The following DGCR2 variants were observed in gnomAD, a reference collection of about 807,000 sequenced individuals.
DGCR2 encodes the protein integral membrane protein DGCR2/IDD.
A neutral mutation model predicts 51.6 loss-of-function variants in DGCR2; 24 were observed. The observed-to-expected ratio is 0.47, with a 90% CI of 0.34 to 0.65. The LOEUF is 0.65. DGCR2 is among the 30% of genes least tolerant of loss of function. The pLI is 0.01. For synonymous variants in DGCR2, 340 were observed against 315.4 expected, an observed-to-expected ratio of 1.08 and a Z score of -0.82; for missense variants, 765 against 772.1, an observed-to-expected ratio of 0.99 and a Z score of 0.11.
intron 2 of DGCR2, among the ~76,000 whole-genome samples, chr22:19,070,833 G>A (rs571991675): frequency 6.6e-6 from 1 of 152,320 alleles, no homozygotes; most frequent in Non-Finnish European, 1.5e-5. Context: ...CCCATTCTGG[G>A]CCCACCATGG....
chr22:19,107,372 G>A (rs2083270449), intron 1 of DGCR2, among the ~76,000 whole-genome samples: 1 of 152,092 alleles, frequency 6.6e-6, no homozygotes, highest in Non-Finnish European at 1.5e-5. Context: ...CTGACACTGG[G>A]GAACACCACA....
At chr22:19,104,374 C>T (rs1295169537) in intron 1 of DGCR2, among the ~76,000 whole-genome samples, 1 of 102,366 alleles carries the variant, frequency 9.8e-6, no homozygotes, top group Non-Finnish European at 1.9e-5. Flanking sequence ...AAGCCTTAGC[C>T]TTGTTTCAAG....
At chr22:19,107,423 C>A (rs2083270889) in intron 1 of DGCR2, among the ~76,000 whole-genome samples, 1 of 152,216 alleles carries the variant, frequency 6.6e-6, no homozygotes, top group Non-Finnish European at 1.5e-5. Context: ...GCATTTATTT[C>A]TCATAAATAA....
Position 19,038,142 on chromosome 22 carries a change from T to C in DGCR2, c.*723A>G, listed in dbSNP as rs2082390785. On this transcript the variant is annotated 3_prime_UTR_variant, in exon 10 of 10. Coordinates refer to ENST00000263196, the MANE Select transcript of DGCR2 (RefSeq NM_005137.3). ...ACAGCAATGCTGGGAGAGGGACTGA[T>C]GGGGTGGGGTCAGGCCTCCTGCCAC... 6.6e-6 allele frequency: 1 copy of C among 152,196 alleles called. No homozygotes were observed. The highest frequency in any genetic ancestry group is 1.5e-5 in the Non-Finnish European group (1 of 68,138). The allele number at this position is 152,196 out of a possible 1,614,324, so 9.4% of individuals were successfully genotyped here. A position where few individuals can be genotyped will look rare whatever the true frequency, so the allele number is the denominator to read the frequency against.
chr22:19,047,408 T>TA (rs1479662336), intron 7 of DGCR2: 1 of 152,158 alleles, frequency 6.6e-6, no homozygotes, highest in East Asian at 1.9e-4. Flanking sequence ...ACAGGGCCCC[T>TA]AGAGACAGAG....
intron 1 of DGCR2, among the ~76,000 whole-genome samples, chr22:19,104,272 C>T (rs942769516): frequency 6.6e-5 from 10 of 152,164 alleles, no homozygotes; most frequent in East Asian, 1.9e-4. Flanking sequence ...GGCTATGCAA[C>T]GCCCAGGAAT....
intron 3 of DGCR2, among the ~76,000 whole-genome samples, chr22:19,065,492 G>T (rs1343145529): frequency 6.6e-6 from 1 of 152,134 alleles, no homozygotes; most frequent in Non-Finnish European, 1.5e-5. Context: ...ACTTACATGA[G>T]CATTTGCAGT....
At chr22:19,062,779 A>ATGCATGCTCTCTCTCTCTC in intron 5 of DGCR2, among the ~76,000 whole-genome samples, 4 of 127,354 alleles carry the variant, frequency 3.1e-5, no homozygotes. Flanking sequence ...ATGCATGCTC[A>ATGCATGCTCTCTCTCTCTC]CTCTCTCTCT....
At chr22:19,047,053 G>C (rs1234345795) in intron 7 of DGCR2, 1 of 155,076 alleles carries the variant, frequency 6.4e-6, no homozygotes, top group Non-Finnish European at 1.4e-5. Flanking sequence ...CCGGGCACAG[G>C]GAACTTGATA....
chr22:19,110,473 G>A (rs766558032), intron 1 of DGCR2, among the ~76,000 whole-genome samples: 3 of 152,134 alleles, frequency 2.0e-5, no homozygotes, highest in African/African-American at 7.2e-5. Context: ...CATTGAAAAG[G>A]CGGGAGGAGA....
intron 1 of DGCR2, among the ~76,000 whole-genome samples, chr22:19,104,619 AG>A (rs2083242474): frequency 6.6e-6 from 1 of 152,180 alleles, no homozygotes; most frequent in African/African-American, 2.4e-5. Context: ...CCACTAAGAT[AG>A]GTCTCCACCA....
intron 1 of DGCR2, among the ~76,000 whole-genome samples, chr22:19,109,450 C>A (rs2083292301): frequency 6.6e-6 from 1 of 152,230 alleles, no homozygotes; most frequent in Non-Finnish European, 1.5e-5. Context: ...TGGAATACAA[C>A]TCAGCCTTAA....
At chr22:19,067,301 G>A (rs1470808247) in intron 3 of DGCR2, among the ~76,000 whole-genome samples, 1 of 152,198 alleles carries the variant, frequency 6.6e-6, no homozygotes, top group South Asian at 2.1e-4. Context: ...CATTTCAGTG[G>A]TGGCTTTTCC....
At position 19,074,809 on chromosome 22, in the gene DGCR2, C is replaced by CA. The variant is rs1555906475; in HGVS notation, c.203-6585_203-6584insT. Among the ~76,000 whole-genome samples the CA allele has an allele frequency of 2.0e-5, 3 of 152,098 alleles. No individual in the cohort carries two copies. In the East Asian group the frequency reaches 5.8e-4, roughly 29 times the overall value. On this transcript the variant is annotated intron_variant, in intron 2 of 9. Transcript: ENST00000263196. Reference sequence around the variant, plus strand: ...ACAGATCTGGGATGCCCCGCCCCACCTTTTTTTTACATCGGAGCTGCCGCT... The same window carrying CA: ...ACAGATCTGGGATGCCCCGCCCCACCATTTTTTTTACATCGGAGCTGCCGCT...
At chr22:19,121,019 A>G (rs1478381614) in intron 1 of DGCR2, among the ~76,000 whole-genome samples, 2 of 152,166 alleles carry the variant, frequency 1.3e-5, no homozygotes, top group Non-Finnish European at 2.9e-5. Context: ...ACTAGGGAGG[A>G]GGCAGACATT....
chr22:19,045,158 G>C (rs538356765), intron 7 of DGCR2: 1 of 152,230 alleles, frequency 6.6e-6, no homozygotes, highest in Non-Finnish European at 1.5e-5. Context: ...TGTAAGGTTC[G>C]TATTTTTTGG....
At position 19,064,876 on chromosome 22, in the gene DGCR2, G is replaced by A. The variant is rs138741169; in HGVS notation, c.520C>T (p.Arg174Trp). The A allele has an allele frequency of 2.9e-5, 47 of 1,613,754 alleles. 1 individual carries two copies. Among genetic ancestry groups the A allele is most frequent in the Middle Eastern group, 1.7e-4 (1 of 6,052 alleles). ...VLAQEWDQPERSFGWKDQRKL... is the reference protein window; with the variant it reads ...VLAQEWDQPEWSFGWKDQRKL... The stretch of plus-strand genomic sequence containing the variant: ...CGCTGGTCCTTCCAACCAAAGCTCC[G>A]CTCGGGCTGGTCCCATTCCTGGGCC... The change falls in exon 4 of 10, where the codon CGG becomes TGG. Residue 174 changes from arginine to tryptophan, a missense_variant. Arg to Trp is a moderately radical substitution (Grantham distance 101, BLOSUM62 -3). Transcript: ENST00000263196.
intron 1 of DGCR2, among the ~76,000 whole-genome samples, chr22:19,115,977 T>C (rs768113125): frequency 4.6e-5 from 7 of 152,270 alleles, no homozygotes; most frequent in Admixed American, 1.3e-4. Flanking sequence ...GTTTGCTTTA[T>C]GTCAGACACT....
chr22:19,045,081 A>C (rs538869055), intron 7 of DGCR2, among the ~76,000 whole-genome samples: 1 of 152,186 alleles, frequency 6.6e-6, no homozygotes, highest in Non-Finnish European at 1.5e-5. Context: ...GAAGCTTTAT[A>C]ATTCAAGGTT....
Sources: gnomAD v4.1 joint callset for allele counts (sites outside exome capture counted in the v4.1 genomes callset) on GRCh38, gnomAD v4.1.1 for gene constraint, MANE v1.5 for transcripts, NCBI Gene and HGNC (gene_info 2026-07-23, HGNC 2026-07-21) for gene names.